PTPRM: variants seen among roughly 807,000 people sequenced by gnomAD.
PTPRM encodes the protein receptor-type tyrosine-protein phosphatase mu.
PTPRM carries 47 observed loss-of-function variants against 186.7 expected under a neutral mutation model. That is an observed-to-expected ratio of 0.25 (90% CI 0.20 to 0.32). The LOEUF (loss-of-function observed/expected upper bound fraction) is 0.32. Ranked by LOEUF, PTPRM falls within the 10% of genes least tolerant of loss-of-function variation. The pLI, the probability that PTPRM is intolerant of heterozygous loss-of-function variation, is 1.00. For synonymous variants in PTPRM, 668 were observed against 674.9 expected, an observed-to-expected ratio of 0.99 and a Z score of 0.16; for missense variants, 1,494 against 1,865.0, an observed-to-expected ratio of 0.80 and a Z score of 3.66.
chr18:7,963,824 T>C (rs2053839996), intron 7 of PTPRM, among the ~76,000 whole-genome samples: 1 of 152,142 alleles, frequency 6.6e-6, no homozygotes, highest in South Asian at 2.1e-4. Flanking sequence ...GGGTTTGCTA[T>C]GGGAAAAACA....
At chr18:8,176,841 C>T (rs896053007) in intron 14 of PTPRM, among the ~76,000 whole-genome samples, 1 of 152,192 alleles carries the variant, frequency 6.6e-6, no homozygotes, top group Non-Finnish European at 1.5e-5. Context: ...GTCAGGACTC[C>T]AGTCTCATGC....
rs114221969 is a variant in PTPRM, at chr18:7,955,017, C to A, written c.839-104C>A. The A allele has an allele frequency of 1.1e-3, 1,305 of 1,218,452 alleles. 12 individuals are homozygous for A. The African/African-American group carries it at 0.018, about 17-fold the overall frequency. The allele number at this position is 1,218,452 out of a possible 1,614,324, so 75.5% of individuals were successfully genotyped here. ...CAAAATTTTTCTCATCAATTTATTCCTGAAATTTTATTATCTTCTACATTT... is the reference window on the plus strand; with the variant it reads ...CAAAATTTTTCTCATCAATTTATTCATGAAATTTTATTATCTTCTACATTT... On this transcript the variant is annotated intron_variant, in intron 6 of 32. Transcript: ENST00000580170.
intron 12 of PTPRM, among the ~76,000 whole-genome samples, chr18:8,114,250 C>T (rs1009760671): frequency 2.0e-5 from 3 of 151,648 alleles, no homozygotes; most frequent in African/African-American, 7.3e-5. Context: ...AAAAATGAGA[C>T]GGAAACAAAA....
At chr18:8,362,185 C>T (rs1040501627) in intron 23 of PTPRM, among the ~76,000 whole-genome samples, 1 of 152,230 alleles carries the variant, frequency 6.6e-6, no homozygotes, top group African/African-American at 2.4e-5. Flanking sequence ...GCCCCAACTG[C>T]TCCCAGCTCT....
chr18:7,711,461 C>T (rs1397757954), intron 1 of PTPRM, among the ~76,000 whole-genome samples: 1 of 152,094 alleles, frequency 6.6e-6, no homozygotes, highest in Admixed American at 6.5e-5. Context: ...CACAGTGGTG[C>T]TTGGAATGCC....
At chr18:7,681,542 T>G (rs2039480862) in intron 1 of PTPRM, among the ~76,000 whole-genome samples, 1 of 151,970 alleles carries the variant, frequency 6.6e-6, no homozygotes, top group African/African-American at 2.4e-5. Context: ...CTCAGTACTC[T>G]TTCACTTCCT....
intron 23 of PTPRM, among the ~76,000 whole-genome samples, chr18:8,350,157 C>T (rs1166854381): frequency 1.3e-5 from 2 of 152,194 alleles, no homozygotes; most frequent in African/African-American, 2.4e-5. Context: ...TGAAAACACT[C>T]TTTCCTGATA....
At chr18:7,924,071 C>G (rs2051027852) in intron 4 of PTPRM, among the ~76,000 whole-genome samples, 1 of 152,190 alleles carries the variant, frequency 6.6e-6, no homozygotes, top group Admixed American at 6.5e-5. Flanking sequence ...AACTCAGATT[C>G]TGAGTCCAGA....
chr18:8,172,648 C>G (rs376381861), intron 14 of PTPRM, among the ~76,000 whole-genome samples: 2 of 151,164 alleles, frequency 1.3e-5, no homozygotes, highest in Non-Finnish European at 1.5e-5. Context: ...TTTCTTGTGT[C>G]CTAATTGTGA....
chr18:7,926,066 T>C (rs1352752394), intron 4 of PTPRM, among the ~76,000 whole-genome samples: 1 of 152,232 alleles, frequency 6.6e-6, no homozygotes, highest in African/African-American at 2.4e-5. Flanking sequence ...CTGAAAAATA[T>C]TACATAAGTA....
At chr18:7,950,678 G>A (rs114089696) in intron 6 of PTPRM, among the ~76,000 whole-genome samples, 6,073 of 152,192 alleles carry the variant, frequency 0.04, 397 homozygotes, top group African/African-American at 0.14. Flanking sequence ...GTGAGCAATG[G>A]GTGCTTGAAA....
At chr18:8,025,664 A>G (rs2085524946) in intron 7 of PTPRM, among the ~76,000 whole-genome samples, 1 of 152,232 alleles carries the variant, frequency 6.6e-6, no homozygotes, top group Admixed American at 6.5e-5. Context: ...CTGGTACGAT[A>G]TTAGCGAGAG....
intron 14 of PTPRM, among the ~76,000 whole-genome samples, chr18:8,193,953 A>G (rs771013162): frequency 2.6e-5 from 4 of 152,226 alleles, no homozygotes; most frequent in African/African-American, 4.8e-5. Flanking sequence ...GCACCAGACC[A>G]TATTAATCTG....
chr18:8,304,506 A>G (rs887497677), intron 20 of PTPRM, among the ~76,000 whole-genome samples: 1 of 152,196 alleles, frequency 6.6e-6, no homozygotes, highest in African/African-American at 2.4e-5. Flanking sequence ...TTTGAGAGAT[A>G]TGAGACAAAT....
At chr18:7,807,002 G>A (rs903431332) in intron 2 of PTPRM, among the ~76,000 whole-genome samples, 1 of 152,150 alleles carries the variant, frequency 6.6e-6, no homozygotes, top group Non-Finnish European at 1.5e-5. Flanking sequence ...GTAGCTACAG[G>A]TAGTATCTCC....
chr18:8,380,468 G>T lies in PTPRM; in HGVS notation c.3918+41G>T, dbSNP rs116333152. 6,472 of 1,610,870 alleles carry T rather than the reference G, an allele frequency of 4.0e-3. 182 individuals are homozygous for T. The African/African-American group carries it at 0.068, about 17-fold the overall frequency. On this transcript the variant is annotated intron_variant, in intron 29 of 32. Coordinates refer to ENST00000580170, the MANE Select transcript of PTPRM (RefSeq NM_001105244.2). ...CTTACAGTCAGAACTAGTGCCAGGG[G>T]GTCAAGTTTGTTTTTACACTGAGTT...
At chr18:8,317,794 T>G (rs1462844769) in intron 21 of PTPRM, among the ~76,000 whole-genome samples, 3 of 152,224 alleles carry the variant, frequency 2.0e-5, no homozygotes, top group Non-Finnish European at 4.4e-5. Flanking sequence ...TACAGGCCAC[T>G]GTGGACTCTC....
At chr18:8,295,428 C>T (rs2095086336) in intron 19 of PTPRM, among the ~76,000 whole-genome samples, 1 of 152,004 alleles carries the variant, frequency 6.6e-6, no homozygotes, top group African/African-American at 2.4e-5. Flanking sequence ...ACTTGAAAGC[C>T]ACCCTGGAGC....
chr18:7,727,580 A>G (rs748401922), intron 1 of PTPRM, among the ~76,000 whole-genome samples: 52 of 152,324 alleles, frequency 3.4e-4, no homozygotes, highest in Middle Eastern at 3.4e-3. Context: ...AGCCAATGGC[A>G]TGTCAAATTT....
Sources: allele counts gnomAD v4.1 joint callset (sites outside exome capture counted in the v4.1 genomes callset), GRCh38; gene constraint gnomAD v4.1.1; transcripts MANE v1.5; gene names NCBI Gene and HGNC (gene_info 2026-07-23, HGNC 2026-07-21).